Variants in AGTPBP1 observed in about 807,000 individuals in gnomAD.
AGTPBP1 encodes the protein ATP/GTP binding carboxypeptidase 1.
AGTPBP1 carries 70 observed loss-of-function variants against 143.9 expected under a neutral mutation model. The observed-to-expected ratio is 0.49, with a 90% CI of 0.40 to 0.59. The LOEUF is 0.59. Among genes scored for constraint, AGTPBP1 ranks in the 20% least tolerant of loss-of-function variants. AGTPBP1 has a pLI of 0.00. For synonymous variants in AGTPBP1, 463 were observed against 500.2 expected (o/e 0.93, Z 0.99); for missense variants, 1,229 against 1,464.5 (o/e 0.84, Z 2.62).
the AGTPBP1 span, among the ~76,000 whole-genome samples, chr9:85,749,490 C>A: frequency 6.6e-6 from 1 of 152,218 alleles, no homozygotes; most frequent in Non-Finnish European, 1.5e-5. Context: ...AGCTAACTCT[C>A]TGAGACTCCT....
intron 25 of AGTPBP1, among the ~76,000 whole-genome samples, chr9:85,557,951 T>A (rs1826456205): frequency 6.6e-6 from 1 of 152,218 alleles, no homozygotes; most frequent in East Asian, 1.9e-4. Context: ...AATAATATGA[T>A]GGTAACTGGT....
chr9:85,682,167 T>C (rs1273431183), intron 3 of AGTPBP1, among the ~76,000 whole-genome samples: 1 of 131,860 alleles, frequency 7.6e-6, no homozygotes, highest in Non-Finnish European at 1.6e-5. Context: ...CTCATTAGGA[T>C]TGGTTAAAAA....
At chr9:85,706,098 T>G (rs945622545) in intron 2 of AGTPBP1, among the ~76,000 whole-genome samples, 1 of 149,718 alleles carries the variant, frequency 6.7e-6, no homozygotes, top group Non-Finnish European at 1.5e-5. Flanking sequence ...TAAAGCAAAA[T>G]GGAGTTCTAG....
chr9:85,635,797 T>TA lies in AGTPBP1; in HGVS notation c.1303-2424dup, dbSNP rs541642102. ...TGAAACTCCAGTACTACATCTTCAG[T>TA]ATATAGGTCCTAGAAACACTCCCAC... On this transcript the variant is annotated intron_variant, in intron 13 of 25. Coordinates refer to ENST00000357081, the MANE Select transcript of AGTPBP1 (RefSeq NM_001330701.2). 7.8e-4 allele frequency among the ~76,000 whole-genome samples: 117 copies of TA among 150,406 alleles called. 2 individuals are homozygous for TA. In the South Asian group the frequency reaches 7.8e-3, roughly 10 times the overall value.
chr9:85,584,817 T>A (rs12342509), intron 23 of AGTPBP1, among the ~76,000 whole-genome samples: 2 of 152,286 alleles, frequency 1.3e-5, no homozygotes, highest in East Asian at 3.9e-4. Flanking sequence ...CACACCTAGG[T>A]GAAGAAATTT....
At chr9:85,804,167 T>C in the AGTPBP1 span, among the ~76,000 whole-genome samples, 1 of 152,068 alleles carries the variant, frequency 6.6e-6, no homozygotes, top group Non-Finnish European at 1.5e-5. Flanking sequence ...TTCTGAACCA[T>C]AAAAACTCAA....
chr9:85,681,340 A>G lies in AGTPBP1; in HGVS notation c.158-5T>C. The G allele has an allele frequency of 6.2e-7, 1 of 1,610,168 alleles. No individual in the cohort carries two copies. The highest frequency in any genetic ancestry group is 8.5e-7 in the Non-Finnish European group (1 of 1,179,114). ...TCATTTCTCTCCTTGTTTTTTCTGA[A>G]AAGTAGCAAACAATTTTTTTCTCAA... On this transcript the variant is annotated splice_polypyrimidine_tract_variant and splice_region_variant and intron_variant, in intron 3 of 25. Coordinates refer to ENST00000357081, the MANE Select transcript of AGTPBP1 (RefSeq NM_001330701.2).
At chr9:85,801,560 CTA>C in the AGTPBP1 span, among the ~76,000 whole-genome samples, 1 of 151,882 alleles carries the variant, frequency 6.6e-6, no homozygotes, top group Non-Finnish European at 1.5e-5. Flanking sequence ...ACAGAGTAGT[CTA>C]TGACAAGTTT....
chr9:85,668,820 T>C (rs1331188382), intron 8 of AGTPBP1, among the ~76,000 whole-genome samples: 1 of 151,438 alleles, frequency 6.6e-6, no homozygotes, highest in Admixed American at 6.6e-5. Flanking sequence ...ATGTATGTTT[T>C]AAAAATTCCA....
At chr9:85,569,319 T>C (rs1003802650) in intron 25 of AGTPBP1, among the ~76,000 whole-genome samples, 1 of 151,944 alleles carries the variant, frequency 6.6e-6, no homozygotes, top group Non-Finnish European at 1.5e-5. Flanking sequence ...ATGTAAATAA[T>C]GACAAGAATT....
the AGTPBP1 span, among the ~76,000 whole-genome samples, chr9:85,779,550 G>A: frequency 2.6e-5 from 4 of 151,928 alleles, no homozygotes; most frequent in East Asian, 1.9e-4. Context: ...ATTAAGGGTG[G>A]GTGTGCCTTC....
chr9:85,588,726 TCATTTCCCAATGACTAATTTAAC>T (rs1315311663), intron 20 of AGTPBP1, among the ~76,000 whole-genome samples: 7 of 152,320 alleles, frequency 4.6e-5, no homozygotes, highest in Non-Finnish European at 7.4e-5. Context: ...ATCCACTTAT[TCATTTCCCAATGACTAATTTAAC>T]ATGTAAAATT....
intron 11 of AGTPBP1, 109 bp from the exon 12 acceptor site, chr9:85,646,527 G>C (rs79389645): frequency 0.012 from 9,179 of 758,336 alleles, 152 homozygotes; most frequent in African/African-American, 0.038. Context: ...CAGAGAAAAA[G>C]TAAATGAGAT....
intron 1 of AGTPBP1, among the ~76,000 whole-genome samples, chr9:85,733,616 G>A (rs1196773643): frequency 1.3e-5 from 2 of 151,916 alleles, no homozygotes; most frequent in Admixed American, 6.6e-5. Context: ...AAAGACCAGA[G>A]GAGAAATAAT....
At chr9:85,618,124 T>C (rs560342291) in intron 17 of AGTPBP1, among the ~76,000 whole-genome samples, 3 of 151,802 alleles carry the variant, frequency 2.0e-5, no homozygotes, top group Non-Finnish European at 4.4e-5. Flanking sequence ...CCTGTAGTGC[T>C]TGGGGGTCTG....
chr9:85,684,581 T>G (rs1365884215), intron 3 of AGTPBP1, among the ~76,000 whole-genome samples: 1 of 152,138 alleles, frequency 6.6e-6, no homozygotes, highest in Non-Finnish European at 1.5e-5. Context: ...AAGTACTCTA[T>G]ATTCCCTGTG....
chr9:85,781,196 G>A, the AGTPBP1 span: 27 of 1,481,290 alleles, frequency 1.8e-5, no homozygotes, highest in Middle Eastern at 3.7e-4. Context: ...AATTTTTGTT[G>A]TATAGAACAA....
chr9:85,615,592 C>A (rs528875993), intron 17 of AGTPBP1, among the ~76,000 whole-genome samples: 2 of 152,006 alleles, frequency 1.3e-5, no homozygotes, highest in East Asian at 3.9e-4. Flanking sequence ...ACTATAATCC[C>A]AAATCTGTAA....
At chr9:85,775,503 G>A in the AGTPBP1 span, among the ~76,000 whole-genome samples, 1 of 146,034 alleles carries the variant, frequency 6.8e-6, no homozygotes, top group Non-Finnish European at 1.5e-5. Context: ...GGACAGAATA[G>A]CATATATATA....
Sources: gnomAD v4.1 joint callset for allele counts (sites outside exome capture counted in the v4.1 genomes callset) on GRCh38, gnomAD v4.1.1 for gene constraint, MANE v1.5 for transcripts, NCBI Gene and HGNC (gene_info 2026-07-23, HGNC 2026-07-21) for gene names.